Variants in WDR7 observed in about 807,000 individuals in gnomAD.
The protein encoded by WDR7 is WD repeat-containing protein 7.
Under a neutral mutation model 169.4 loss-of-function variants are expected in WDR7, and 46 were observed. That is an observed-to-expected ratio of 0.27 (90% CI 0.21 to 0.35). The LOEUF is 0.35. Among genes scored for constraint, WDR7 ranks in the 10% least tolerant of loss-of-function variants. WDR7 has a pLI of 1.00. For missense variants in WDR7, 1,534 were observed against 1,859.3 expected (o/e 0.83, Z 3.22); for synonymous variants, 612 against 666.8 (o/e 0.92, Z 1.27).
At chr18:56,700,105 TA>T in intron 12 of WDR7, among the ~76,000 whole-genome samples, 1 of 152,144 alleles carries the variant, frequency 6.6e-6, no homozygotes, top group African/African-American at 2.4e-5. Context: ...TTTAATTACT[TA>T]AAAAATTTTG....
At chr18:56,993,311 A>G (rs1400091625) in intron 26 of WDR7, among the ~76,000 whole-genome samples, 3 of 152,194 alleles carry the variant, frequency 2.0e-5, no homozygotes, top group Non-Finnish European at 4.4e-5. Context: ...CTTAGCTCTT[A>G]TCAAAAAACA....
intron 21 of WDR7, among the ~76,000 whole-genome samples, chr18:56,888,202 A>G (rs2046222115): frequency 6.6e-6 from 1 of 152,342 alleles, no homozygotes; most frequent in East Asian, 1.9e-4. Context: ...CAAAAGCCAT[A>G]CTTAGTTTTG....
At chr18:57,004,131 C>T (rs1390852648) in intron 26 of WDR7, among the ~76,000 whole-genome samples, 1 of 151,950 alleles carries the variant, frequency 6.6e-6, no homozygotes, top group South Asian at 2.1e-4. Context: ...TTAACTTCTA[C>T]CTGAGGTTAT....
chr18:56,896,789 G>T (rs2046338172), intron 21 of WDR7, among the ~76,000 whole-genome samples: 1 of 151,692 alleles, frequency 6.6e-6, no homozygotes, highest in Non-Finnish European at 1.5e-5. Context: ...ATAGGTGACA[G>T]AATGCCAAAC....
chr18:56,688,953 T>G (rs1348886379), intron 7 of WDR7, among the ~76,000 whole-genome samples: 1 of 152,128 alleles, frequency 6.6e-6, no homozygotes, highest in Non-Finnish European at 1.5e-5. Flanking sequence ...TATACATAGA[T>G]GATGAAGAAT....
intron 13 of WDR7, among the ~76,000 whole-genome samples, chr18:56,730,455 G>A (rs1009041436): frequency 3.9e-5 from 6 of 152,142 alleles, no homozygotes; most frequent in Admixed American, 2.0e-4. Context: ...AGAAAGGATA[G>A]CCAAATAAAG....
intron 20 of WDR7, among the ~76,000 whole-genome samples, chr18:56,853,595 A>G (rs553065157): frequency 6.6e-6 from 1 of 152,276 alleles, no homozygotes; most frequent in South Asian, 2.1e-4. Context: ...CCAAACCAAG[A>G]ACTAGAATAT....
At chr18:56,999,015 A>G (rs1323850707) in intron 26 of WDR7, among the ~76,000 whole-genome samples, 3 of 152,222 alleles carry the variant, frequency 2.0e-5, no homozygotes, top group Admixed American at 6.5e-5. Flanking sequence ...TATATAAGGT[A>G]TTATTTCCAA....
At chr18:56,708,982 G>A (rs1303978770) in intron 12 of WDR7, among the ~76,000 whole-genome samples, 1 of 151,854 alleles carries the variant, frequency 6.6e-6, no homozygotes, top group African/African-American at 2.4e-5. Context: ...TATAATTTTA[G>A]AGCTTGCAGA....
intron 20 of WDR7, among the ~76,000 whole-genome samples, chr18:56,859,642 G>A (rs2045774373): frequency 6.6e-6 from 1 of 152,108 alleles, no homozygotes; most frequent in Admixed American, 6.6e-5. Flanking sequence ...TTGAATAAAT[G>A]GATGTTTGTA....
intron 8 of WDR7, 88 bp from the exon 9 acceptor site, chr18:56,691,627 G>A: frequency 1.8e-6 from 2 of 1,104,338 alleles, no homozygotes; most frequent in Non-Finnish European, 2.5e-6. Flanking sequence ...TCCCCTTTTT[G>A]TCCAATACCA....
chr18:56,843,159 C>T (rs1172431159), intron 20 of WDR7, among the ~76,000 whole-genome samples: 1 of 152,144 alleles, frequency 6.6e-6, no homozygotes, highest in Non-Finnish European at 1.5e-5. Context: ...GAATATTTGC[C>T]TCTTTCAGCT....
At chr18:56,774,723 G>A (rs2044214631) in intron 16 of WDR7, among the ~76,000 whole-genome samples, 1 of 152,082 alleles carries the variant, frequency 6.6e-6, no homozygotes, top group Non-Finnish European at 1.5e-5. Context: ...GATGAATTTT[G>A]AAAGTGCTGT....
intron 25 of WDR7, among the ~76,000 whole-genome samples, chr18:56,953,171 T>C (rs1314426761): frequency 1.3e-5 from 2 of 152,206 alleles, no homozygotes; most frequent in Non-Finnish European, 2.9e-5. Context: ...AACTCTCTCC[T>C]CATTTTGCTT....
chr18:56,701,991 A>G (rs962721385), intron 12 of WDR7, among the ~76,000 whole-genome samples: 6 of 152,180 alleles, frequency 3.9e-5, no homozygotes, highest in Non-Finnish European at 7.4e-5. Context: ...AGAGAGAATG[A>G]TTTTCAGATT....
intron 16 of WDR7, among the ~76,000 whole-genome samples, chr18:56,769,612 G>C (rs562115192): frequency 6.6e-6 from 1 of 152,232 alleles, no homozygotes; most frequent in East Asian, 1.9e-4. Flanking sequence ...ATGTTTAGTA[G>C]TTGCATCTTT....
Position 56,820,583 on chromosome 18 carries a change from C to A in WDR7, c.3304+4439C>A, listed in dbSNP as rs139998835. On this transcript the variant is annotated intron_variant, in intron 20 of 27. Coordinates refer to ENST00000254442, the MANE Select transcript of WDR7 (RefSeq NM_015285.3). The stretch of plus-strand genomic sequence containing the variant: ...GCAGAGAATAATGTATTTTGCTATT[C>A]CTGTGTATTTAGTGCTGACAGAACT... 8.2e-3 allele frequency among the ~76,000 whole-genome samples: 1,242 copies of A among 151,980 alleles called. 20 individuals carry two copies. The highest frequency in any genetic ancestry group is 0.026 in the African/African-American group (1,090 of 41,440).
At chr18:56,904,954 G>A (rs1016751831) in intron 21 of WDR7, among the ~76,000 whole-genome samples, 5 of 152,068 alleles carry the variant, frequency 3.3e-5, no homozygotes, top group African/African-American at 7.2e-5. Context: ...ACCCGAAGCC[G>A]TTACAAACAT....
intron 19 of WDR7, among the ~76,000 whole-genome samples, chr18:56,801,303 A>G (rs546454344): frequency 1.3e-5 from 2 of 152,166 alleles, no homozygotes; most frequent in Non-Finnish European, 2.9e-5. Context: ...TTAGCTTTAC[A>G]TTAACCAGTT....
Sources: allele counts gnomAD v4.1 joint callset (sites outside exome capture counted in the v4.1 genomes callset), GRCh38; gene constraint gnomAD v4.1.1; transcripts MANE v1.5; gene names NCBI Gene and HGNC (gene_info 2026-07-23, HGNC 2026-07-21).